Variants in HTR4 observed in about 807,000 individuals in gnomAD.
The protein encoded by HTR4 is 5-hydroxytryptamine receptor 4, also known as 5-hydroxytryptamine (serotonin) receptor 4, G protein-coupled.
In HTR4, 16 loss-of-function variants were observed where a neutral mutation model predicts 36.8. The ratio of observed to expected loss-of-function variants is 0.43; its 90% CI spans 0.29 to 0.66. The LOEUF is 0.66. HTR4 is among the 30% of genes least tolerant of loss of function. The pLI, the probability that HTR4 is intolerant of heterozygous loss-of-function variation, is 0.13. For synonymous variants in HTR4, 189 were observed against 185.1 expected (o/e 1.02, Z -0.17); for missense variants, 438 against 490.9 (o/e 0.89, Z 1.02).
chr5:148,622,058 G>A (rs1752936413), intron 2 of HTR4, among the ~76,000 whole-genome samples: 1 of 152,084 alleles, frequency 6.6e-6, no homozygotes, highest in Non-Finnish European at 1.5e-5. Context: ...TGATGTTTCT[G>A]ACTGCCTCTT....
intron 2 of HTR4, among the ~76,000 whole-genome samples, chr5:148,566,704 A>T (rs1325549784): frequency 1.3e-5 from 2 of 152,170 alleles, no homozygotes; most frequent in African/African-American, 2.4e-5. Flanking sequence ...TATGTGATAC[A>T]CATACACATA....
intron 5 of HTR4, among the ~76,000 whole-genome samples, chr5:148,466,246 G>A (rs1289614758): frequency 6.6e-6 from 1 of 152,092 alleles, no homozygotes; most frequent in Non-Finnish European, 1.5e-5. Flanking sequence ...CTTCCCTCCT[G>A]TAGCTAATCT....
chr5:148,574,516 G>T (rs185518591), intron 2 of HTR4, among the ~76,000 whole-genome samples: 5 of 152,030 alleles, frequency 3.3e-5, no homozygotes, highest in Non-Finnish European at 5.9e-5. Flanking sequence ...ATTCAGGGAG[G>T]TTAGAATTAC....
At position 148,608,588 on chromosome 5, in the gene HTR4, GT is replaced by G. The variant is rs56658258; in HGVS notation, c.26+28400del. ...AATCACAAAAGCCTTTAACAGCCAT[GT>G]TAAAAAGTCTGGATTTTAATCAATT... On this transcript the variant is annotated intron_variant, in intron 2 of 6. Transcript: ENST00000377888. 4.6e-3 allele frequency among the ~76,000 whole-genome samples: 694 copies of G among 152,344 alleles called. 2 individuals are homozygous for G. The highest frequency in any genetic ancestry group is 0.016 in the African/African-American group (669 of 41,572).
intron 6 of HTR4, among the ~76,000 whole-genome samples, chr5:148,507,964 A>C (rs937868041): frequency 1.3e-5 from 2 of 152,186 alleles, no homozygotes; most frequent in African/African-American, 4.8e-5. Flanking sequence ...TAATTAAGAG[A>C]GAATGTCGGT....
At chr5:148,646,582 C>T (rs932584992) in intron 1 of HTR4, among the ~76,000 whole-genome samples, 4 of 152,184 alleles carry the variant, frequency 2.6e-5, no homozygotes, top group African/African-American at 9.7e-5. Context: ...CTGCTGTCTA[C>T]AATCTCCTAC....
intron 2 of HTR4, among the ~76,000 whole-genome samples, chr5:148,627,915 T>A (rs1201840873): frequency 6.6e-6 from 1 of 152,202 alleles, no homozygotes; most frequent in Non-Finnish European, 1.5e-5. Context: ...TTTCAAAATG[T>A]AAGTGATAAG....
intron 2 of HTR4, among the ~76,000 whole-genome samples, chr5:148,614,680 T>G (rs1434851031): frequency 6.6e-6 from 1 of 151,950 alleles, no homozygotes; most frequent in Non-Finnish European, 1.5e-5. Context: ...AATTGACAAA[T>G]GGGATCTAAT....
intron 1 of HTR4, among the ~76,000 whole-genome samples, chr5:148,643,890 T>C (rs756344664): frequency 1.3e-5 from 2 of 152,106 alleles, no homozygotes; most frequent in Non-Finnish European, 2.9e-5. Flanking sequence ...ATAGTCACGT[T>C]TGAGGGAAAG....
intron 5 of HTR4, among the ~76,000 whole-genome samples, chr5:148,460,752 A>G (rs1354334110): frequency 6.6e-6 from 1 of 152,094 alleles, no homozygotes; most frequent in Non-Finnish European, 1.5e-5. Context: ...AATAGCTTTT[A>G]TTTTTCTTAT....
chr5:148,593,134 C>T (rs1283285824), intron 2 of HTR4, among the ~76,000 whole-genome samples: 1 of 152,150 alleles, frequency 6.6e-6, no homozygotes, highest in Admixed American at 6.5e-5. Context: ...GATTCTGACT[C>T]AAAGCAGCTT....
intron 2 of HTR4, among the ~76,000 whole-genome samples, chr5:148,614,963 A>C (rs1752601362): frequency 6.6e-6 from 1 of 152,206 alleles, no homozygotes; most frequent in African/African-American, 2.4e-5. Context: ...GAGAAATGCA[A>C]ATCAAAACCA....
chr5:148,613,964 C>T (rs1238476149), intron 2 of HTR4, among the ~76,000 whole-genome samples: 3 of 151,564 alleles, frequency 2.0e-5, no homozygotes, highest in Non-Finnish European at 4.4e-5. Context: ...CCTAGGAATC[C>T]AACTTACAAG....
chr5:148,468,465 G>T (rs1755486544), intron 5 of HTR4, among the ~76,000 whole-genome samples: 1 of 152,154 alleles, frequency 6.6e-6, no homozygotes, highest in African/African-American at 2.4e-5. Flanking sequence ...TGCCTTAGAA[G>T]GAAGAACTGA....
At chr5:148,560,479 C>T (rs1820075) in intron 2 of HTR4, among the ~76,000 whole-genome samples, 47,715 of 152,032 alleles carry the variant, frequency 0.31, 7,733 homozygotes, top group African/African-American at 0.35. Flanking sequence ...GACCACTGAC[C>T]TAGAACCTTA....
At chr5:148,618,711 A>C (rs1445777950) in intron 2 of HTR4, among the ~76,000 whole-genome samples, 1 of 151,910 alleles carries the variant, frequency 6.6e-6, no homozygotes, top group East Asian at 1.9e-4. Flanking sequence ...TTCCTATGGG[A>C]CCTCCTATCA....
intron 6 of HTR4, among the ~76,000 whole-genome samples, chr5:148,494,155 A>G (rs943310351): frequency 2.0e-5 from 3 of 152,186 alleles, no homozygotes; most frequent in African/African-American, 7.2e-5. Context: ...ATTAATACAT[A>G]TTTTTTAAAG....
chr5:148,608,154 C>T (rs1028042651), intron 2 of HTR4, among the ~76,000 whole-genome samples: 3 of 152,092 alleles, frequency 2.0e-5, no homozygotes, highest in Non-Finnish European at 2.9e-5. Context: ...ACTTTGGAGC[C>T]AACAGTGTAA....
intron 5 of HTR4, among the ~76,000 whole-genome samples, chr5:148,462,385 T>C (rs1755298949): frequency 6.6e-6 from 1 of 151,968 alleles, no homozygotes; most frequent in South Asian, 2.1e-4. Flanking sequence ...AATAATCAAG[T>C]ACTACAAAAT....
Sources: gnomAD v4.1 joint callset for allele counts (sites outside exome capture counted in the v4.1 genomes callset) on GRCh38, gnomAD v4.1.1 for gene constraint, MANE v1.5 for transcripts, NCBI Gene and HGNC (gene_info 2026-07-23, HGNC 2026-07-21) for gene names.